The following SRPK2 variants were observed in gnomAD, a reference collection of about 807,000 sequenced individuals.
SRPK2 encodes SRSF protein kinase 2.
In SRPK2, 21 loss-of-function variants were observed where a neutral mutation model predicts 90.8. The observed-to-expected ratio is 0.23, with a 90% CI of 0.16 to 0.33. The LOEUF is 0.33. Among genes scored for constraint, SRPK2 ranks in the 10% least tolerant of loss-of-function variants. The pLI, the probability that SRPK2 is intolerant of heterozygous loss-of-function variation, is 1.00. For missense variants in SRPK2, 620 were observed against 869.0 expected (o/e 0.71, Z 3.60); for synonymous variants, 288 against 311.1 (o/e 0.93, Z 0.78).
chr7:105,288,465 G>A (rs1342263533), intron 2 of SRPK2, among the ~76,000 whole-genome samples: 4 of 151,872 alleles, frequency 2.6e-5, no homozygotes, highest in African/African-American at 9.7e-5. Context: ...GTGGTGGCGG[G>A]CACCTGTAAT....
At chr7:105,257,284 A>G (rs1269417950) in intron 2 of SRPK2, among the ~76,000 whole-genome samples, 3 of 152,274 alleles carry the variant, frequency 2.0e-5, no homozygotes, top group African/African-American at 7.2e-5. Context: ...AGGAATCTGC[A>G]CTATGACTGT....
At chr7:105,262,399 C>T (rs965996166) in intron 2 of SRPK2, among the ~76,000 whole-genome samples, 15 of 152,108 alleles carry the variant, frequency 9.9e-5, no homozygotes, top group African/African-American at 3.6e-4. Flanking sequence ...ACCTCAAGGG[C>T]TTTAAGTAAA....
chr7:105,322,046 T>C (rs1375550578), intron 2 of SRPK2, among the ~76,000 whole-genome samples: 1 of 152,116 alleles, frequency 6.6e-6, no homozygotes, highest in African/African-American at 2.4e-5. Flanking sequence ...ACAACCCAAA[T>C]GTCTACCAAC....
intron 3 of SRPK2, among the ~76,000 whole-genome samples, chr7:105,194,938 C>T (rs977551087): frequency 1.3e-5 from 2 of 152,072 alleles, no homozygotes; most frequent in Admixed American, 1.3e-4. Flanking sequence ...CAAGTCTTCT[C>T]GATAAATGGT....
At chr7:105,133,782 C>T (rs571955100) in intron 11 of SRPK2, among the ~76,000 whole-genome samples, 2 of 152,300 alleles carry the variant, frequency 1.3e-5, no homozygotes, top group South Asian at 4.1e-4. Context: ...TAAAGGCAAC[C>T]TCTGAGGTCA....
chr7:105,224,427 T>C (rs1798470193), intron 2 of SRPK2, among the ~76,000 whole-genome samples: 1 of 151,986 alleles, frequency 6.6e-6, no homozygotes, highest in Non-Finnish European at 1.5e-5. Flanking sequence ...CTGGCTAACA[T>C]GGTGAAACTC....
chr7:105,244,479 C>T (rs953035495), intron 2 of SRPK2, among the ~76,000 whole-genome samples: 6 of 152,330 alleles, frequency 3.9e-5, no homozygotes, highest in Non-Finnish European at 7.4e-5. Context: ...GAAGCTGAGG[C>T]GGGAGAATCG....
intron 13 of SRPK2, among the ~76,000 whole-genome samples, chr7:105,128,134 G>A (rs921640939): frequency 2.0e-5 from 3 of 152,180 alleles, no homozygotes; most frequent in Non-Finnish European, 4.4e-5. Flanking sequence ...CCAAGAGTGA[G>A]TGCAGTCAGC....
At chr7:105,188,023 C>G (rs1301192228) in intron 3 of SRPK2, among the ~76,000 whole-genome samples, 1 of 152,082 alleles carries the variant, frequency 6.6e-6, no homozygotes, top group Non-Finnish European at 1.5e-5. Context: ...ACTTCCACTC[C>G]TAGATACATA....
intron 2 of SRPK2, among the ~76,000 whole-genome samples, chr7:105,226,305 T>A (rs887370270): frequency 2.0e-5 from 3 of 152,082 alleles, no homozygotes; most frequent in African/African-American, 4.8e-5. Flanking sequence ...ATTTTTTTTT[T>A]AACAGAGTCT....
chr7:105,281,118 C>T (rs1376152644), intron 2 of SRPK2, among the ~76,000 whole-genome samples: 1 of 151,206 alleles, frequency 6.6e-6, no homozygotes, highest in African/African-American at 2.4e-5. Flanking sequence ...TTTTCTGAGA[C>T]AGGAGTCTCT....
intron 3 of SRPK2, among the ~76,000 whole-genome samples, chr7:105,171,276 GGATAA>G (rs1378421792): frequency 3.3e-5 from 5 of 152,068 alleles, no homozygotes; most frequent in Non-Finnish European, 7.4e-5. Flanking sequence ...GAAATACGGA[GGATAA>G]GATGTTAGGA....
chr7:105,123,997 G>A (rs951024370), intron 15 of SRPK2, among the ~76,000 whole-genome samples: 1 of 152,240 alleles, frequency 6.6e-6, no homozygotes, highest in South Asian at 2.1e-4. Context: ...ACTCGATCAC[G>A]TAAGTCCTAA....
At chr7:105,366,670 G>T (rs1485152656) in intron 2 of SRPK2, among the ~76,000 whole-genome samples, 1 of 152,078 alleles carries the variant, frequency 6.6e-6, no homozygotes, top group Non-Finnish European at 1.5e-5. Context: ...GGCCCAGCCA[G>T]GTATGCCTTT....
chr7:105,255,808 T>G (rs1461989292), intron 2 of SRPK2, among the ~76,000 whole-genome samples: 5 of 151,948 alleles, frequency 3.3e-5, no homozygotes, highest in Non-Finnish European at 7.4e-5. Context: ...GGTGGGCACC[T>G]GTAATCCCAG....
At chr7:105,252,039 T>C (rs551872420) in intron 2 of SRPK2, among the ~76,000 whole-genome samples, 1 of 152,318 alleles carries the variant, frequency 6.6e-6, no homozygotes, top group East Asian at 1.9e-4. Context: ...CCTTTTACTT[T>C]AAAACTGTTT....
chr7:105,366,298 C>T (rs1176744072), intron 2 of SRPK2, among the ~76,000 whole-genome samples: 1 of 150,708 alleles, frequency 6.6e-6, no homozygotes, highest in Non-Finnish European at 1.5e-5. Flanking sequence ...GATCCTTCCT[C>T]TTTTGCTTTA....
chr7:105,263,788 A>C (rs2079341), intron 2 of SRPK2, among the ~76,000 whole-genome samples: 66,366 of 151,970 alleles, frequency 0.44, 15,791 homozygotes, highest in South Asian at 0.53. Flanking sequence ...AAATTTCAAT[A>C]AACTGTATTT....
In SRPK2 at chr7:105,170,917, A is replaced by AAAG. The variant is rs1790921775; in HGVS notation, c.230-1653_230-1652insCTT. Reference sequence around the variant, plus strand: ...AAAGAAAGAAAGAAAGAAAGAAAGGAGAAAGAAAAAGAAAAAGGAAAGAAA... The same window carrying AAAG: ...AAAGAAAGAAAGAAAGAAAGAAAGGAAAGGAAAGAAAAAGAAAAAGGAAAGAAA... On this transcript the variant is annotated intron_variant, in intron 3 of 15. Coordinates refer to ENST00000393651, the MANE Select transcript of SRPK2 (RefSeq NM_182692.3). Among the ~76,000 whole-genome samples the AAAG allele has an allele frequency of 1.4e-4, 14 of 101,732 alleles. 4 individuals are homozygous for AAAG. The highest frequency in any genetic ancestry group is 4.8e-4 in the African/African-American group (12 of 25,042). The allele number at this position is 101,732 out of a possible 152,430, so 66.7% of individuals were successfully genotyped here. A position where few individuals can be genotyped will look rare whatever the true frequency, so the allele number is the denominator to read the frequency against.
Sources: gnomAD v4.1 joint callset for allele counts (sites outside exome capture counted in the v4.1 genomes callset) on GRCh38, gnomAD v4.1.1 for gene constraint, MANE v1.5 for transcripts, NCBI Gene and HGNC (gene_info 2026-07-23, HGNC 2026-07-21) for gene names.